The following JRKL variants were observed in gnomAD, a reference collection of about 807,000 sequenced individuals.
JRKL encodes JRK like, also known as jerky protein homolog-like.
Under a neutral mutation model 34.7 loss-of-function variants are expected in JRKL, and 25 were observed. The ratio of observed to expected loss-of-function variants is 0.72; its 90% CI spans 0.53 to 1.01. The LOEUF (loss-of-function observed/expected upper bound fraction) is 1.01, where lower values mean the gene tolerates loss of function less well. JRKL is among the 50% of genes least tolerant of loss of function. The pLI is 0.00. For missense variants in JRKL, 495 were observed against 615.7 expected, an observed-to-expected ratio of 0.80 and a Z score of 2.07; for synonymous variants, 204 against 212.8, an observed-to-expected ratio of 0.96 and a Z score of 0.36.
chr11:96,390,449 C>T, intron 1 of JRKL, 34 bp from the exon 2 acceptor site: 1 of 536,990 alleles, frequency 1.9e-6, no homozygotes, highest in South Asian at 3.3e-5. Context: ...GGCCTGTTCT[C>T]TCAAACTTCC....
chr11:96,392,388 CT>C lies in JRKL; in HGVS notation c.*168del, dbSNP rs572639620. On this transcript the variant is annotated 3_prime_UTR_variant, in exon 2 of 2. Coordinates refer to ENST00000332349, the MANE Select transcript of JRKL (RefSeq NM_001261833.2). ...GATTATGTGTTTTCATCATCTGTGT[CT>C]TTTGTCCTTTTATTTGTACAGATAA... 850 of 999,018 alleles carry C rather than the reference CT, an allele frequency of 8.5e-4. 3 individuals are homozygous for C. In the African/African-American group the frequency reaches 0.012, roughly 15 times the overall value. The allele number at this position is 999,018 out of a possible 1,614,324, so 61.9% of individuals were successfully genotyped here.
chr11:96,393,533 A>T lies in JRKL; in HGVS notation c.*1309A>T, dbSNP rs943711657. On this transcript the variant is annotated 3_prime_UTR_variant, in exon 2 of 2. Transcript: ENST00000332349. Reference sequence around the variant, plus strand: ...TTTCATGTTTTGGCCAAAAATTTTTAAAAAATAAATTACAATTGTTCTCTA... The same window carrying T: ...TTTCATGTTTTGGCCAAAAATTTTTTAAAAATAAATTACAATTGTTCTCTA... 2.0e-5 allele frequency among the ~76,000 whole-genome samples: 3 copies of T among 152,140 alleles called. No individual in the cohort carries two copies. Among genetic ancestry groups the T allele is most frequent in the African/African-American group, 4.8e-5 (2 of 41,448 alleles).
rs755082533 is a variant in JRKL at position 96,390,739 on chromosome 11, A to G, written c.90A>G (p.Gln30=). The G allele has an allele frequency of 1.2e-6, 2 of 1,613,120 alleles. No homozygotes were observed. Among genetic ancestry groups the G allele is most frequent in the East Asian group, 2.2e-5 (1 of 44,874 alleles). Residue 30 remains glutamine (Q), a synonymous_variant, in exon 2 of 2, where the codon CAA becomes CAG. Coordinates refer to ENST00000332349, the MANE Select transcript of JRKL (RefSeq NM_001261833.2). ...TTGAAGACGGAGGTTCTTCCAAACA[A>G]CTGGCAGTGATTTATGGAATTGGTG... is the stretch of plus-strand genomic sequence containing the variant. ...KKLEDGGSSK[Q]LAVIYGIGET...
Position 96,392,332 on chromosome 11 carries a change from C to T in JRKL, c.*108C>T. 7.0e-7 allele frequency: 1 copy of T among 1,427,632 alleles called. No individual in the cohort carries two copies. The highest frequency in any genetic ancestry group is 9.2e-7 in the Non-Finnish European group (1 of 1,084,376). The allele number at this position is 1,427,632 out of a possible 1,614,324, so 88.4% of individuals were successfully genotyped here. A position where few individuals can be genotyped will look rare whatever the true frequency, so the allele number is the denominator to read the frequency against. Reference sequence around the variant, plus strand: ...TTCTCAGACTTGGTCCTGTGAAATACAGGCACAAAATGTATCTGAAGTGGT... The same window carrying T: ...TTCTCAGACTTGGTCCTGTGAAATATAGGCACAAAATGTATCTGAAGTGGT... On this transcript the variant is annotated 3_prime_UTR_variant, in exon 2 of 2. Coordinates refer to ENST00000332349, the MANE Select transcript of JRKL (RefSeq NM_001261833.2).
Position 96,390,673 on chromosome 11 carries a change from GGT to G in JRKL, c.27_28del (p.Leu10AspfsTer3). 6.3e-7 allele frequency: 1 copy of G among 1,590,318 alleles called. No homozygotes were observed. Among genetic ancestry groups the G allele is most frequent in the Non-Finnish European group, 8.5e-7 (1 of 1,172,162 alleles). On this transcript the variant is annotated frameshift_variant, in exon 2 of 2. Coordinates refer to ENST00000332349, the MANE Select transcript of JRKL (RefSeq NM_001261833.2). LOFTEE classifies it low-confidence loss of function (END_TRUNC). The stretch of plus-strand genomic sequence containing the variant: ...CTATGTCAGGGAAACGGAAGCGTGT[GGT>G]GTTGACTATTAAAGATAAGCTTGAT... MSGKRKRV[V>X]LTIKDKLDII...
In JRKL at chr11:96,390,945, G is replaced by T. The variant is rs757660425; in HGVS notation, c.296G>T (p.Gly99Val). 6.2e-7 allele frequency: 1 copy of T among 1,614,182 alleles called. No homozygotes were observed. The highest frequency in any genetic ancestry group is 1.1e-5 in the South Asian group (1 of 91,070). ...AGAGCAAAAGGGAATCCCATATCTG[G>T]ACCAATTTGTGCAAAAAGGGCAGAG... is the stretch of plus-strand genomic sequence containing the variant. The part of the protein sequence containing the change: ...QQRAKGNPIS[G>V]PICAKRAEFF... The change falls in exon 2 of 2, where the codon GGA (glycine) becomes GTA (valine). Residue 99 changes from glycine to valine, a missense_variant. Transcript: ENST00000332349.
chr11:96,393,207 C>T lies in JRKL; in HGVS notation c.*983C>T, dbSNP rs181706691. 1 of 164,494 alleles carries T rather than the reference C, an allele frequency of 6.1e-6. No individual in the cohort carries two copies. Among genetic ancestry groups the T allele is most frequent in the East Asian group, 1.9e-4 (1 of 5,152 alleles). 10.2% of individuals were successfully genotyped at this position (164,494 alleles called of 1,614,324 possible). ...TTGAAAAATATTGTCATATCTGGCC[C>T]TTTGATGAGAAAAGGAAATTACAAT... On this transcript the variant is annotated 3_prime_UTR_variant, in exon 2 of 2. Transcript: ENST00000332349.
chr11:96,390,567 T>C lies in JRKL; in HGVS notation c.-83T>C. 2 of 1,485,102 alleles carry C rather than the reference T, an allele frequency of 1.3e-6. No individual in the cohort carries two copies. Among genetic ancestry groups the C allele is most frequent in the Non-Finnish European group, 1.8e-6 (2 of 1,118,074 alleles). The allele number at this position is 1,485,102 out of a possible 1,614,324, so 92.0% of individuals were successfully genotyped here. The stretch of plus-strand genomic sequence containing the variant: ...GATGAAAGACTGAGTGTGTTAAGAC[T>C]GTTGAAGTGAGCCTGTGTAAGAGAA... On this transcript the variant is annotated 5_prime_UTR_variant, in exon 2 of 2. Transcript: ENST00000332349.
intron 1 of JRKL, 48 bp downstream of exon 1, chr11:96,390,121 C>T (rs1047627928): frequency 1.3e-5 from 2 of 154,528 alleles, no homozygotes; most frequent in Non-Finnish European, 2.9e-5. Context: ...AGGACTGTCC[C>T]GGCTAAAGCT....
chr11:96,390,834 C>A lies in JRKL; in HGVS notation c.185C>A (p.Thr62Lys). 6.2e-7 allele frequency: 1 copy of A among 1,613,234 alleles called. No homozygotes were observed. The highest frequency in any genetic ancestry group is 8.5e-7 in the Non-Finnish European group (1 of 1,179,804). ...ACTTATGCAAGCAGTTCTGATTCCA[C>A]AAGTCTTTTGGCCAAGAGGAAATCT... ...IITYASSSDS[T>K]SLLAKRKSMK... Residue 62 changes from threonine (T) to lysine (K), a missense_variant, in exon 2 of 2, where the codon ACA becomes AAA. Physicochemically the swap from Thr to Lys is moderately conservative, Grantham distance 78. Coordinates refer to ENST00000332349, the MANE Select transcript of JRKL (RefSeq NM_001261833.2).
chr11:96,392,411 A>G lies in JRKL; in HGVS notation c.*187A>G, dbSNP rs1866559706. The G allele has an allele frequency of 6.0e-6, 5 of 827,974 alleles. No individual in the cohort carries two copies. In the East Asian group the frequency reaches 1.5e-4, roughly 24 times the overall value. The allele number at this position is 827,974 out of a possible 1,614,324, so 51.3% of individuals were successfully genotyped here. ...GTCTTTTGTCCTTTTATTTGTACAG[A>G]TAATCAGAAGATGATACTGAATAGA... On this transcript the variant is annotated 3_prime_UTR_variant, in exon 2 of 2. Coordinates refer to ENST00000332349, the MANE Select transcript of JRKL (RefSeq NM_001261833.2).
chr11:96,391,693 A>G lies in JRKL; in HGVS notation c.1044A>G (p.Glu348=), dbSNP rs145276299. ...CAGGTCTTCTCCAGAACAACTTGGAAGAAGGTAATGACCTGAAATCATTCT... is the reference window on the plus strand; with the variant it reads ...CAGGTCTTCTCCAGAACAACTTGGAGGAAGGTAATGACCTGAAATCATTCT... ...YRAGLLQNNL[E]EGNDLKSFWK... Residue 348 remains glutamate, a synonymous_variant, in exon 2 of 2, where the codon GAA becomes GAG. Coordinates refer to ENST00000332349, the MANE Select transcript of JRKL (RefSeq NM_001261833.2). The G allele has an allele frequency of 1.7e-5, 28 of 1,614,220 alleles. No homozygotes were observed. The African/African-American group carries it at 3.2e-4, about 18-fold the overall frequency.
Position 96,391,966 on chromosome 11 carries a change from A to AG in JRKL, c.1319dup (p.Tyr441LeufsTer2). On this transcript the variant is annotated frameshift_variant, in exon 2 of 2. Transcript: ENST00000332349. LOFTEE classifies it high-confidence loss of function. ...GGCTTGAAGTAGACAGTACTGAACC[A>AG]GGCTATGAAGTGTTAACTGATAGCG... is the stretch of plus-strand genomic sequence containing the variant. 6.2e-7 allele frequency: 1 copy of AG among 1,614,142 alleles called. No homozygotes were observed. The highest frequency in any genetic ancestry group is 1.3e-5 in the African/African-American group (1 of 75,066).
Position 96,391,115 on chromosome 11 carries a change from T to C in JRKL, c.466T>C (p.Cys156Arg), listed in dbSNP as rs1306489888. The part of the protein sequence containing the change: ...NGDETAVEDF[C>R]NNFRDFIERE... ...AGATGAGACTGCGGTGGAAGATTTT[T>C]GTAATAACTTTCGAGATTTTATTGA... The change falls in exon 2 of 2, where the codon TGT becomes CGT. Residue 156 changes from cysteine to arginine, a missense_variant. Coordinates refer to ENST00000332349, the MANE Select transcript of JRKL (RefSeq NM_001261833.2). 1.9e-6 allele frequency: 3 copies of C among 1,613,742 alleles called. No individual in the cohort carries two copies. The South Asian group carries it at 3.3e-5, about 18-fold the overall frequency.
At position 96,391,569 on chromosome 11, in the gene JRKL, A is replaced by T; in HGVS notation, c.920A>T (p.Asp307Val). Residue 307 changes from aspartate (D) to valine (V), a missense_variant, in exon 2 of 2, where the codon GAT becomes GTT. Coordinates refer to ENST00000332349, the MANE Select transcript of JRKL (RefSeq NM_001261833.2). ...AATGAAAATGTCCTAAGGTCAGATG[A>T]TGGCCAAATATTTGCTAAATATTTA... ...HPNENVLRSD[D>V]GQIFAKYLPP... 6.3e-7 allele frequency: 1 copy of T among 1,580,302 alleles called. No homozygotes were observed. Among genetic ancestry groups the T allele is most frequent in the African/African-American group, 1.4e-5 (1 of 73,674 alleles).
At position 96,392,443 on chromosome 11, in the gene JRKL, T is replaced by C. The variant is rs551604687; in HGVS notation, c.*219T>C. The C allele has an allele frequency of 2.1e-5, 12 of 560,882 alleles. No homozygotes were observed. The highest frequency in any genetic ancestry group is 2.9e-5 in the Non-Finnish European group (10 of 342,642). The allele number at this position is 560,882 out of a possible 1,614,324, so 34.7% of individuals were successfully genotyped here. A position where few individuals can be genotyped will look rare whatever the true frequency, so the allele number is the denominator to read the frequency against. On this transcript the variant is annotated 3_prime_UTR_variant, in exon 2 of 2. Coordinates refer to ENST00000332349, the MANE Select transcript of JRKL (RefSeq NM_001261833.2). ...GAAGATGATACTGAATAGATATAAA[T>C]TACATGTACACATGTATTCACTTTT...
At position 96,390,666 on chromosome 11, in the gene JRKL, A is replaced by G. The variant is rs993350176; in HGVS notation, c.17A>G (p.Lys6Arg). The G allele has an allele frequency of 1.3e-6, 2 of 1,578,518 alleles. No individual in the cohort carries two copies. The change falls in exon 2 of 2, where the codon AAG becomes AGG. Residue 6 changes from lysine (K) to arginine (R), a missense_variant. Coordinates refer to ENST00000332349, the MANE Select transcript of JRKL (RefSeq NM_001261833.2). MSGKRKRVVLTIKDKL... is the reference protein window; with the variant it reads MSGKRRRVVLTIKDKL... The stretch of plus-strand genomic sequence containing the variant: ...AACCTCGCTATGTCAGGGAAACGGA[A>G]GCGTGTGGTGTTGACTATTAAAGAT...
chr11:96,390,437 A>G (rs1866494477), intron 1 of JRKL, 46 bp from the exon 2 acceptor site: 5 of 483,044 alleles, frequency 1.0e-5, no homozygotes, highest in Non-Finnish European at 1.8e-5. Context: ...AAGTTAAAGA[A>G]AGGCCTGTTC....
rs1384187470 is a variant in JRKL, at chr11:96,392,704, C to T, written c.*480C>T. 6.0e-6 allele frequency: 1 copy of T among 166,752 alleles called. No homozygotes were observed. Among genetic ancestry groups the T allele is most frequent in the African/African-American group, 2.4e-5 (1 of 41,352 alleles). 10.3% of individuals were successfully genotyped at this position (166,752 alleles called of 1,614,324 possible). A position where few individuals can be genotyped will look rare whatever the true frequency, so the allele number is the denominator to read the frequency against. On this transcript the variant is annotated 3_prime_UTR_variant, in exon 2 of 2. Transcript: ENST00000332349. ...GATTTCAGGATGATTTATAATAATTCAAAAATGAAATTCAATAATGGGGAA... is the reference window on the plus strand; with the variant it reads ...GATTTCAGGATGATTTATAATAATTTAAAAATGAAATTCAATAATGGGGAA...
Sources: gnomAD v4.1 joint callset for allele counts (sites outside exome capture counted in the v4.1 genomes callset) on GRCh38, gnomAD v4.1.1 for gene constraint, MANE v1.5 for transcripts, NCBI Gene and HGNC (gene_info 2026-07-23, HGNC 2026-07-21) for gene names.